Variants in POFUT3 observed in about 807,000 individuals in gnomAD.
POFUT3 encodes protein O-fucosyltransferase 3, also known as GDP-fucose protein O-fucosyltransferase 3.
At chr8:33,461,637 TG>T in the POFUT3 span, 2 of 1,527,020 alleles carry the variant, frequency 1.3e-6, no homozygotes, top group South Asian at 1.2e-5. Context: ...GGGTCTGGCT[TG>T]GCATCGAGAG....
the POFUT3 span, among the ~76,000 whole-genome samples, chr8:33,430,348 T>C: frequency 6.6e-5 from 10 of 152,134 alleles, no homozygotes; most frequent in African/African-American, 2.4e-4. Context: ...GAAAACCAAA[T>C]TTAGAGGCTT....
the POFUT3 span, among the ~76,000 whole-genome samples, chr8:33,472,343 T>G: frequency 6.6e-6 from 1 of 152,202 alleles, no homozygotes; most frequent in African/African-American, 2.4e-5. Context: ...GTGTGACATT[T>G]GCTTTATTTT....
At chr8:33,321,261 G>T in the POFUT3 span, among the ~76,000 whole-genome samples, 1 of 152,046 alleles carries the variant, frequency 6.6e-6, no homozygotes, top group Non-Finnish European at 1.5e-5. Context: ...AAGTTCTCTG[G>T]CTTATAAAAA....
chr8:33,414,258 C>T, the POFUT3 span, among the ~76,000 whole-genome samples: 1 of 152,050 alleles, frequency 6.6e-6, no homozygotes, highest in Non-Finnish European at 1.5e-5. Flanking sequence ...ACTTTATCTG[C>T]ATAATAAAAC....
the POFUT3 span, among the ~76,000 whole-genome samples, chr8:33,329,967 C>G: frequency 6.6e-6 from 1 of 151,940 alleles, no homozygotes; most frequent in African/African-American, 2.4e-5. Flanking sequence ...ATCATTTTAC[C>G]CTTTAACTAA....
the POFUT3 span, among the ~76,000 whole-genome samples, chr8:33,318,020 C>G: frequency 5.9e-4 from 90 of 152,202 alleles, 1 homozygote; most frequent in East Asian, 4.5e-3. Context: ...ATGCCAATTT[C>G]AAAGAAATGC....
the POFUT3 span, among the ~76,000 whole-genome samples, chr8:33,341,127 T>C: frequency 6.6e-6 from 1 of 152,002 alleles, no homozygotes; most frequent in Non-Finnish European, 1.5e-5. Flanking sequence ...TGAAAATCAA[T>C]AACAGAGCAC....
At chr8:33,391,106 T>C in the POFUT3 span, among the ~76,000 whole-genome samples, 1 of 152,218 alleles carries the variant, frequency 6.6e-6, no homozygotes, top group South Asian at 2.1e-4. Context: ...AATATATATT[T>C]ATGCCAAAAT....
the POFUT3 span, among the ~76,000 whole-genome samples, chr8:33,449,805 A>T: frequency 6.6e-6 from 1 of 151,678 alleles, no homozygotes; most frequent in South Asian, 2.1e-4. Context: ...GTTTTCCTCC[A>T]TGCCTCCATT....
At chr8:33,410,734 C>T in the POFUT3 span, among the ~76,000 whole-genome samples, 2 of 152,058 alleles carry the variant, frequency 1.3e-5, no homozygotes, top group Non-Finnish European at 2.9e-5. Flanking sequence ...AATTATTTCC[C>T]GGTTGGGAAA....
At chr8:33,347,427 C>T in the POFUT3 span, among the ~76,000 whole-genome samples, 1 of 152,166 alleles carries the variant, frequency 6.6e-6, no homozygotes, top group Non-Finnish European at 1.5e-5. Flanking sequence ...GTTACTATTT[C>T]AAAACACGAT....
the POFUT3 span, among the ~76,000 whole-genome samples, chr8:33,370,169 T>TAAAAAAAA: frequency 1.8e-4 from 7 of 39,896 alleles, 1 homozygote; most frequent in East Asian, 1.9e-3. Context: ...CCATCTTTAC[T>TAAAAAAAA]AAAAAAAAAA....
chr8:33,408,042 G>A, the POFUT3 span, among the ~76,000 whole-genome samples: 3 of 149,926 alleles, frequency 2.0e-5, no homozygotes, highest in East Asian at 2.0e-4. Flanking sequence ...CATAAAATCC[G>A]GCAGGGAACA....
chr8:33,413,999 C>G, the POFUT3 span, among the ~76,000 whole-genome samples: 1 of 152,138 alleles, frequency 6.6e-6, no homozygotes, highest in African/African-American at 2.4e-5. Flanking sequence ...GAAGCTACCT[C>G]AGAACCAAAG....
the POFUT3 span, among the ~76,000 whole-genome samples, chr8:33,394,736 C>G: frequency 6.6e-6 from 1 of 151,930 alleles, no homozygotes; most frequent in African/African-American, 2.4e-5. Flanking sequence ...AAATCCATCT[C>G]TAAAGCACAG....
chr8:33,428,732 A>G, the POFUT3 span, among the ~76,000 whole-genome samples: 1 of 152,186 alleles, frequency 6.6e-6, no homozygotes, highest in Admixed American at 6.5e-5. Flanking sequence ...ATTAATGCCA[A>G]TGATAAAAGG....
the POFUT3 span, chr8:33,389,286 G>A: frequency 1.9e-6 from 3 of 1,614,170 alleles, no homozygotes; most frequent in East Asian, 6.7e-5. Context: ...CCCAGTTTCA[G>A]TGGCCTCCAG....
chr8:33,456,028 T>C, the POFUT3 span: 109 of 313,354 alleles, frequency 3.5e-4, no homozygotes, highest in African/African-American at 2.3e-3. Flanking sequence ...AGCAGAGCCA[T>C]CACTGAAAAC....
the POFUT3 span, among the ~76,000 whole-genome samples, chr8:33,331,203 G>A: frequency 9.0e-6 from 1 of 110,906 alleles, no homozygotes; most frequent in African/African-American, 3.8e-5. Flanking sequence ...TTAACCGGGC[G>A]CGCGCCTGTA....
Sources: allele counts gnomAD v4.1 joint callset (sites outside exome capture counted in the v4.1 genomes callset), GRCh38; gene constraint gnomAD v4.1.1; transcripts MANE v1.5; gene names NCBI Gene and HGNC (gene_info 2026-07-23, HGNC 2026-07-21).